Variants in SLC4A8 observed in about 807,000 individuals in gnomAD.
The protein encoded by SLC4A8 is solute carrier family 4 member 8.
In SLC4A8, 40 loss-of-function variants were observed where a neutral mutation model predicts 125.0. The observed-to-expected ratio is 0.32, with a 90% CI of 0.25 to 0.42. The LOEUF is 0.42. SLC4A8 is among the 10% of genes least tolerant of loss of function. The probability of loss-of-function intolerance (pLI) is 1.00; values close to 1 mark genes in which losing one functional copy is unlikely to be tolerated. For missense variants in SLC4A8, 863 were observed against 1,355.1 expected (o/e 0.64, Z 5.70); for synonymous variants, 456 against 476.0 (o/e 0.96, Z 0.55).
At position 51,440,464 on chromosome 12, in the gene SLC4A8, C is replaced by T. The variant is rs560543988; in HGVS notation, c.49-244C>T. On this transcript the variant is annotated intron_variant, in intron 1 of 24. Coordinates refer to ENST00000453097, the MANE Select transcript of SLC4A8 (RefSeq NM_001039960.3). Reference sequence around the variant, plus strand: ...TCAGTCCTAGCTCCGCCTTTTATGACATTTGTGACCCTGGGCCATCATTAC... The same window carrying T: ...TCAGTCCTAGCTCCGCCTTTTATGATATTTGTGACCCTGGGCCATCATTAC... Among the ~76,000 whole-genome samples the T allele has an allele frequency of 1.6e-4, 24 of 151,214 alleles. No homozygotes were observed. In the South Asian group the frequency reaches 4.6e-3, roughly 29 times the overall value.
intron 14 of SLC4A8, 128 bp downstream of exon 14, chr12:51,471,660 C>A: frequency 9.8e-7 from 1 of 1,019,436 alleles, no homozygotes; most frequent in Non-Finnish European, 1.4e-6. Flanking sequence ...AAACGGATCT[C>A]AGATACAGAC....
chr12:51,415,591 G>A (rs1012470396), intron 1 of SLC4A8, among the ~76,000 whole-genome samples: 8 of 151,878 alleles, frequency 5.3e-5, no homozygotes, highest in African/African-American at 1.7e-4. Flanking sequence ...TCAGAATAAT[G>A]TGTGTTGATT....
rs1341639271 is a variant in SLC4A8 at position 51,515,271 on chromosome 12, T to C, written c.*7833T>C. On this transcript the variant is annotated 3_prime_UTR_variant, in exon 25 of 25. Transcript: ENST00000453097. ...AATCCTCCTCCTCCTTCCTTTCTCC[T>C]ATATTCACTCCTCCAGGATCATAAA... 3 of 152,244 alleles carry C rather than the reference T, an allele frequency of 2.0e-5. No individual in the cohort carries two copies. The East Asian group carries it at 5.8e-4, about 29-fold the overall frequency. 9.4% of individuals were successfully genotyped at this position (152,244 alleles called of 1,614,324 possible). A position where few individuals can be genotyped will look rare whatever the true frequency, so the allele number is the denominator to read the frequency against.
At chr12:51,423,633 C>T (rs1948845541), upstream of SLC4A8, among the ~76,000 whole-genome samples, 1 of 152,178 alleles carries the variant, frequency 6.6e-6, no homozygotes. Flanking sequence ...ATCAGACTAC[C>T]TTCCCCAACT....
chr12:51,450,677 G>A, intron 2 of SLC4A8, 199 bp from the exon 3 acceptor site: 1 of 588,046 alleles, frequency 1.7e-6, no homozygotes, highest in Non-Finnish European at 3.0e-6. Flanking sequence ...GCAGGCATGT[G>A]CAGGACAAAG....
intron 1 of SLC4A8, among the ~76,000 whole-genome samples, chr12:51,432,484 GGAGGCCGAGGTGGGTGGATCAC>G (rs897778341): frequency 5.3e-5 from 8 of 151,580 alleles, no homozygotes; most frequent in Non-Finnish European, 1.2e-4. Flanking sequence ...CAGCACCTTG[GGAGGCCGAGGTGGGTGGATCAC>G]GAGGTCAGGA....
At chr12:51,482,798 C>G (rs947591031) in intron 16 of SLC4A8, among the ~76,000 whole-genome samples, 2 of 152,156 alleles carry the variant, frequency 1.3e-5, no homozygotes, top group Non-Finnish European at 2.9e-5. Flanking sequence ...AGAAACAACA[C>G]AAATATTTTT....
Position 51,485,876 on chromosome 12 carries a change from G to T in SLC4A8, c.2262G>T (p.Lys754Asn). The change falls in exon 17 of 25, where the codon AAG (lysine) becomes AAT (asparagine). Residue 754 changes from lysine to asparagine, a missense_variant. Lys to Asn is a moderately conservative substitution (Grantham distance 94, BLOSUM62 0). This residue lies in a region of SLC4A8 where 197 missense variants were observed against 377.7 expected (regional missense o/e 0.52). Coordinates refer to ENST00000453097, the MANE Select transcript of SLC4A8 (RefSeq NM_001039960.3). ...IDFLIGVPSP[K>N]LQVPSVFKPT... The stretch of plus-strand genomic sequence containing the variant: ...TTTTGATTGGAGTCCCATCACCAAA[G>T]CTTCAAGTTCCCAGTGTGTTCAAGG... 6.2e-7 allele frequency: 1 copy of T among 1,608,894 alleles called. No individual in the cohort carries two copies. Among genetic ancestry groups the T allele is most frequent in the Non-Finnish European group, 8.5e-7 (1 of 1,175,298 alleles).
At chr12:51,401,847 T>C (rs139992468) in intron 1 of SLC4A8, among the ~76,000 whole-genome samples, 1,680 of 152,194 alleles carry the variant, frequency 0.011, 25 homozygotes, top group Non-Finnish European at 0.015. Flanking sequence ...CAATGCAGCC[T>C]CAGCCTCCCC....
intron 11 of SLC4A8, 111 bp downstream of exon 11, chr12:51,463,825 C>A: frequency 2.9e-6 from 2 of 680,012 alleles, no homozygotes; most frequent in South Asian, 2.1e-5. Flanking sequence ...AATTTATTGG[C>A]TGAAGAATGA....
intron 21 of SLC4A8, 133 bp from the exon 22 acceptor site, chr12:51,496,854 G>A: frequency 1.3e-6 from 1 of 796,074 alleles, no homozygotes; most frequent in Non-Finnish European, 2.0e-6. Flanking sequence ...TCAATAAATG[G>A]TGACTGTTAG....
At chr12:51,461,011 A>G (rs771923180) in intron 8 of SLC4A8, among the ~76,000 whole-genome samples, 193 bp from the exon 9 acceptor site, 6 of 152,120 alleles carry the variant, frequency 3.9e-5, no homozygotes, top group African/African-American at 9.7e-5. Context: ...ATAGCTTCCA[A>G]TGCCCATAGT....
intron 1 of SLC4A8, among the ~76,000 whole-genome samples, chr12:51,397,118 C>CG (rs1218024902): frequency 1.3e-5 from 2 of 151,614 alleles, no homozygotes; most frequent in East Asian, 1.9e-4. Flanking sequence ...TTAGTAGAGA[C>CG]GGGGTTTCAC....
chr12:51,499,533 C>T (rs913440357), intron 22 of SLC4A8, among the ~76,000 whole-genome samples: 2 of 151,138 alleles, frequency 1.3e-5, no homozygotes, highest in African/African-American at 4.9e-5. Flanking sequence ...AGTCCCTGAC[C>T]GACCACATGG....
intron 1 of SLC4A8, among the ~76,000 whole-genome samples, chr12:51,433,531 A>G (rs1161453807): frequency 6.6e-6 from 1 of 152,168 alleles, no homozygotes; most frequent in Non-Finnish European, 1.5e-5. Flanking sequence ...AGAAAAGTGC[A>G]CATTCACACA....
In SLC4A8 at chr12:51,451,173, A is replaced by G. The variant is rs147471455; in HGVS notation, c.277+151A>G. 1.4e-5 allele frequency: 11 copies of G among 769,830 alleles called. 1 individual carries two copies. In the African/African-American group the frequency reaches 1.8e-4, roughly 13 times the overall value. The allele number at this position is 769,830 out of a possible 1,614,324, so 47.7% of individuals were successfully genotyped here. A position where few individuals can be genotyped will look rare whatever the true frequency, so the allele number is the denominator to read the frequency against. On this transcript the variant is annotated intron_variant, in intron 3 of 24. Coordinates refer to ENST00000453097, the MANE Select transcript of SLC4A8 (RefSeq NM_001039960.3). ...GCTTCTAAGAAGAAATGCCTCTAAG[A>G]GTCAAAAATATTTTCGTGAAAACTT...
intron 4 of SLC4A8, 121 bp downstream of exon 4, chr12:51,452,380 C>T (rs1949998333): frequency 5.3e-6 from 6 of 1,122,514 alleles, no homozygotes; most frequent in Non-Finnish European, 6.6e-6. Context: ...GACATGGGGA[C>T]TGACATTCCA....
intron 1 of SLC4A8, among the ~76,000 whole-genome samples, chr12:51,440,452 C>T (rs943691622): frequency 2.8e-4 from 42 of 151,514 alleles, no homozygotes; most frequent in African/African-American, 9.7e-4. Context: ...GTCCTAGCTC[C>T]GCCTTTTATG....
chr12:51,391,988 C>A, intron 1 of SLC4A8: 1 of 152,678 alleles, frequency 6.5e-6, no homozygotes, highest in Non-Finnish European at 1.5e-5. Context: ...GCTCGGAGCC[C>A]GGAGGCCTGC....
Sources: gnomAD v4.1 joint callset for allele counts (sites outside exome capture counted in the v4.1 genomes callset) on GRCh38, gnomAD v4.1.1 for gene constraint, gnomAD v4.1.1 regional missense constraint, MANE v1.5 for transcripts, NCBI Gene and HGNC (gene_info 2026-07-23, HGNC 2026-07-21) for gene names.